The following HRH1 variants were observed in gnomAD, a reference collection of about 807,000 sequenced individuals.
The protein encoded by HRH1 is histamine receptor H1.
HRH1 carries 6 observed loss-of-function variants against 10.3 expected under a neutral mutation model. That is an observed-to-expected ratio of 0.58 (90% CI 0.32 to 1.15). The LOEUF (loss-of-function observed/expected upper bound fraction) is 1.15. Ranked by LOEUF, HRH1 falls within the 50% of genes most tolerant of loss-of-function variation. The pLI is 0.05. For synonymous variants in HRH1, 242 were observed against 236.7 expected, an observed-to-expected ratio of 1.02 and a Z score of -0.21; for missense variants, 514 against 615.3, an observed-to-expected ratio of 0.84 and a Z score of 1.74.
At chr3:11,188,153 G>A (rs910853937) in intron 1 of HRH1, among the ~76,000 whole-genome samples, 1 of 152,142 alleles carries the variant, frequency 6.6e-6, no homozygotes, top group Non-Finnish European at 1.5e-5. Flanking sequence ...TATCAAATTG[G>A]CATTCAATTT....
chr3:11,144,795 C>T (rs985219186), intron 1 of HRH1, among the ~76,000 whole-genome samples: 1 of 151,896 alleles, frequency 6.6e-6, no homozygotes, highest in African/African-American at 2.4e-5. Context: ...TGCTTGAACC[C>T]AGGAGGCAGA....
chr3:11,181,587 T>C (rs1432028283), intron 1 of HRH1, among the ~76,000 whole-genome samples: 1 of 151,988 alleles, frequency 6.6e-6, no homozygotes, highest in Non-Finnish European at 1.5e-5. Flanking sequence ...TGACCATTTA[T>C]ATATCTTCTT....
intron 1 of HRH1, among the ~76,000 whole-genome samples, chr3:11,218,402 T>G (rs1938585388): frequency 6.7e-6 from 1 of 149,108 alleles, no homozygotes; most frequent in Non-Finnish European, 1.5e-5. Flanking sequence ...GAGCTGAGAT[T>G]GTGCTACCGC....
At chr3:11,231,009 C>T (rs1165732072) in intron 1 of HRH1, among the ~76,000 whole-genome samples, 1 of 152,164 alleles carries the variant, frequency 6.6e-6, no homozygotes, top group African/African-American at 2.4e-5. Context: ...TCCTTCTCAC[C>T]TCCCCCATCC....
At chr3:11,139,006 A>AG (rs199565915) in intron 1 of HRH1, among the ~76,000 whole-genome samples, 43,322 of 133,676 alleles carry the variant, frequency 0.32, 6,928 homozygotes, top group Admixed American at 0.48. Context: ...TTTTTTTTTT[A>AG]GAAAGAATTT....
intron 1 of HRH1, among the ~76,000 whole-genome samples, chr3:11,189,772 A>G (rs568470148): frequency 2.0e-4 from 30 of 151,784 alleles, no homozygotes; most frequent in African/African-American, 7.0e-4. Flanking sequence ...AAAAAAATAA[A>G]TAAATAAAAT....
intron 1 of HRH1, among the ~76,000 whole-genome samples, chr3:11,212,706 A>G (rs1938367134): frequency 6.6e-6 from 1 of 152,202 alleles, no homozygotes. Context: ...TTCGGCATTC[A>G]TTCACGTAAT....
chr3:11,175,614 A>G (rs1354184827), intron 1 of HRH1, among the ~76,000 whole-genome samples: 1 of 152,260 alleles, frequency 6.6e-6, no homozygotes, highest in Non-Finnish European at 1.5e-5. Flanking sequence ...AAGGAAAACC[A>G]TTTGTAATAA....
intron 1 of HRH1, among the ~76,000 whole-genome samples, chr3:11,221,941 G>A (rs1207072890): frequency 1.3e-5 from 2 of 152,158 alleles, no homozygotes; most frequent in African/African-American, 4.8e-5. Flanking sequence ...CTTTTTTAAG[G>A]CTTAAAAATA....
At position 11,260,185 on chromosome 3, in the gene HRH1, G is replaced by A. The variant is rs1939911441; in HGVS notation, c.1148G>A (p.Gly383Asp). ...AAATTGAGGAGTGGGTCTAACACAG[G>A]CCTGGATTACATCAAGTTTACTTGG... ...KGKLRSGSNT[G>D]LDYIKFTWKR... Residue 383 changes from glycine to aspartate, a missense_variant, in exon 2 of 2, where the codon GGC (glycine) becomes GAC (aspartate). Physicochemically the swap from Gly to Asp is moderately conservative, Grantham distance 94. Transcript: ENST00000431010. 1 of 1,613,912 alleles carries A rather than the reference G, an allele frequency of 6.2e-7. No individual in the cohort carries two copies. The highest frequency in any genetic ancestry group is 1.3e-5 in the African/African-American group (1 of 74,892).
At chr3:11,142,697 G>A (rs1371494023) in intron 1 of HRH1, among the ~76,000 whole-genome samples, 1 of 152,072 alleles carries the variant, frequency 6.6e-6, no homozygotes, top group Non-Finnish European at 1.5e-5. Context: ...GGCAGATCAC[G>A]AGGTCAGGAG....
At chr3:11,159,034 G>T (rs1936874269) in intron 1 of HRH1, among the ~76,000 whole-genome samples, 1 of 152,216 alleles carries the variant, frequency 6.6e-6, no homozygotes, top group Non-Finnish European at 1.5e-5. Context: ...GATCACCTGA[G>T]GTCGGGAGTT....
intron 1 of HRH1, among the ~76,000 whole-genome samples, chr3:11,240,336 A>G (rs1183024864): frequency 6.6e-6 from 1 of 152,136 alleles, no homozygotes; most frequent in Non-Finnish European, 1.5e-5. Flanking sequence ...TTTAAAAACT[A>G]AAATATTTCA....
chr3:11,193,461 T>C (rs1937587475), intron 1 of HRH1, among the ~76,000 whole-genome samples: 1 of 152,234 alleles, frequency 6.6e-6, no homozygotes, highest in Admixed American at 6.5e-5. Flanking sequence ...GAAATTTATT[T>C]CTCACAGTTC....
intron 1 of HRH1, among the ~76,000 whole-genome samples, chr3:11,209,025 C>T (rs921039271): frequency 6.6e-6 from 1 of 152,120 alleles, no homozygotes; most frequent in Non-Finnish European, 1.5e-5. Flanking sequence ...GTATTGCCCA[C>T]GTAGATGCTA....
At chr3:11,199,920 A>C (rs1040691993) in intron 1 of HRH1, among the ~76,000 whole-genome samples, 1 of 152,130 alleles carries the variant, frequency 6.6e-6, no homozygotes, top group Admixed American at 6.5e-5. Flanking sequence ...CCCTTCAGAG[A>C]AGGTGACCCC....
rs1939917440 is a variant in HRH1, at chr3:11,260,295, A to G, written c.1258A>G (p.Ile420Val). The change falls in exon 2 of 2, where the codon ATC becomes GTC. Residue 420 changes from isoleucine to valine, a missense_variant. By Grantham distance (29) the Ile-to-Val change is conservative. Coordinates refer to ENST00000431010, the MANE Select transcript of HRH1 (RefSeq NM_001098212.2). ...GAAGGCCGCCAAACAGTTGGGTTTT[A>G]TCATGGCAGCCTTCATCCTCTGCTG... ...ERKAAKQLGFIMAAFILCWIP... is the reference protein window; with the variant it reads ...ERKAAKQLGFVMAAFILCWIP... 4.3e-6 allele frequency: 7 copies of G among 1,614,150 alleles called. No homozygotes were observed. Among genetic ancestry groups the G allele is most frequent in the Non-Finnish European group, 5.1e-6 (6 of 1,179,998 alleles).
At chr3:11,206,914 G>A (rs1938151184) in intron 1 of HRH1, among the ~76,000 whole-genome samples, 1 of 152,202 alleles carries the variant, frequency 6.6e-6, no homozygotes, top group Admixed American at 6.5e-5. Context: ...GCTGAGGAGG[G>A]GGAAGCTGGA....
chr3:11,181,725 G>A (rs867313977), intron 1 of HRH1, among the ~76,000 whole-genome samples: 17 of 143,246 alleles, frequency 1.2e-4, no homozygotes, highest in Admixed American at 4.3e-4. Context: ...TCTGCCTCCC[G>A]GGTTTACAAC....
Sources: allele counts gnomAD v4.1 joint callset (sites outside exome capture counted in the v4.1 genomes callset), GRCh38; gene constraint gnomAD v4.1.1; transcripts MANE v1.5; gene names NCBI Gene and HGNC (gene_info 2026-07-23, HGNC 2026-07-21).